CDH23: variants seen among roughly 807,000 people sequenced by gnomAD.
CDH23 encodes the protein cadherin-23.
CDH23 carries 189 observed loss-of-function variants against 317.1 expected under a neutral mutation model. That is an observed-to-expected ratio of 0.60 (90% confidence interval 0.53 to 0.67). The LOEUF (loss-of-function observed/expected upper bound fraction) is 0.67, where lower values mean the gene tolerates loss of function less well. Ranked by LOEUF, CDH23 falls within the 30% of genes least tolerant of loss-of-function variation. CDH23 has a pLI of 0.00. For synonymous variants in CDH23, 1,839 were observed against 1,876.8 expected (o/e 0.98, Z 0.52); for missense variants, 4,401 against 4,592.4 (o/e 0.96, Z 1.20).
intron 3 of CDH23, among the ~76,000 whole-genome samples, chr10:71,483,507 C>T (rs1402782545): frequency 6.6e-6 from 1 of 152,184 alleles, no homozygotes; most frequent in Non-Finnish European, 1.5e-5. Flanking sequence ...TTCCCAGCCT[C>T]CCTCAAGAAC....
At chr10:71,690,606 A>G (rs1045732088) in intron 20 of CDH23, 22 bp downstream of exon 20, 3 of 1,516,396 alleles carry the variant, frequency 2.0e-6, no homozygotes, top group Non-Finnish European at 1.8e-6. Flanking sequence ...CACCCCAAGT[A>G]CCCTGGTCCT....
Position 71,397,478 on chromosome 10 carries a change from G to T in CDH23, c.-6+160G>T, listed in dbSNP as rs1033250715. On this transcript the variant is annotated intron_variant, in intron 1 of 69. Transcript: ENST00000224721. The surrounding 1 kb of genome is among the most constrained non-coding windows in gnomAD (Gnocchi z 4.8). ...GTGGCGGGCGCTCGCGGCATCCTTC[G>T]GTCCCAGGCCCCTGGCCCTAGCCTC... is the stretch of plus-strand genomic sequence containing the variant. Among the ~76,000 whole-genome samples, 82 of 151,456 alleles carry T rather than the reference G, an allele frequency of 5.4e-4. No individual in the cohort carries two copies. The highest frequency in any genetic ancestry group is 1.9e-3 in the African/African-American group (79 of 41,360).
rs749805386 is a variant in CDH23, at chr10:71,732,226, G to A, written c.3955G>A (p.Glu1319Lys). 1.2e-5 allele frequency: 20 copies of A among 1,613,628 alleles called. No homozygotes were observed. Among genetic ancestry groups the A allele is most frequent in the Admixed American group, 1.0e-4 (6 of 59,980 alleles). Reference sequence around the variant, plus strand: ...CGTGCAGTTCTCCAATGCCTCATACGAGGCTGCCATCCTGGAGAATCTGGC... The same window carrying A: ...CGTGCAGTTCTCCAATGCCTCATACAAGGCTGCCATCCTGGAGAATCTGGC... ...EAVQFSNASYEAAILENLALG... is the reference protein window; with the variant it reads ...EAVQFSNASYKAAILENLALG... The change falls in exon 32 of 70, where the codon GAG becomes AAG. Residue 1319 changes from glutamate to lysine, a missense_variant. Glu to Lys is a moderately conservative substitution (Grantham distance 56, BLOSUM62 1). Around this residue, in one of 3 missense-constraint regions of CDH23, gnomAD observed 3,068 missense variants for 3,203.3 expected, o/e 0.96. Coordinates refer to ENST00000224721, the MANE Select transcript of CDH23 (RefSeq NM_022124.6).
chr10:71,803,442 C>G, intron 55 of CDH23, 22 bp downstream of exon 55: 1 of 1,554,492 alleles, frequency 6.4e-7, no homozygotes, highest in East Asian at 2.4e-5. Flanking sequence ...CCGAGGGCCT[C>G]CTGCCCACCA....
Position 71,811,309 on chromosome 10 carries a change from G to T in CDH23, c.9078-6G>T. The T allele has an allele frequency of 1.2e-6, 2 of 1,613,686 alleles. No individual in the cohort carries two copies. Among genetic ancestry groups the T allele is most frequent in the Non-Finnish European group, 1.7e-6 (2 of 1,179,818 alleles). On this transcript the variant is annotated splice_polypyrimidine_tract_variant and splice_region_variant and intron_variant, in intron 62 of 69. Coordinates refer to ENST00000224721, the MANE Select transcript of CDH23 (RefSeq NM_022124.6). Reference sequence around the variant, plus strand: ...AGGAGAGCTGAGACCCCTGCCCCTCGCCCAGGGTGATCCAGATGATCGATG... The same window carrying T: ...AGGAGAGCTGAGACCCCTGCCCCTCTCCCAGGGTGATCCAGATGATCGATG...
chr10:71,761,733 GGTGGTCGGAGGCCGA>G (rs1202397319), intron 38 of CDH23: 1 of 1,614,012 alleles, frequency 6.2e-7, no homozygotes, highest in African/African-American at 1.3e-5. Flanking sequence ...AAGTTGCCAT[GGTGGTCGGAGGCCGA>G]CTCCAGCCCG....
At chr10:71,543,083 C>T (rs563311931) in intron 6 of CDH23, among the ~76,000 whole-genome samples, 1 of 152,392 alleles carries the variant, frequency 6.6e-6, no homozygotes, top group East Asian at 1.9e-4. Context: ...CTTCTCAGAA[C>T]AGCCCGAATG....
chr10:71,633,263 G>A (rs376586491), intron 11 of CDH23, among the ~76,000 whole-genome samples: 7 of 152,080 alleles, frequency 4.6e-5, no homozygotes, highest in Non-Finnish European at 1.5e-5. Flanking sequence ...TCAAACCCTA[G>A]CACCATCCTT....
intron 14 of CDH23, among the ~76,000 whole-genome samples, chr10:71,662,372 C>T (rs542868534): frequency 6.6e-6 from 1 of 152,236 alleles, no homozygotes; most frequent in Admixed American, 6.5e-5. Context: ...TAGGCAGTGA[C>T]CAGCCTCCAC....
intron 9 of CDH23, among the ~76,000 whole-genome samples, chr10:71,579,650 C>T (rs1007368260): frequency 6.6e-6 from 1 of 152,060 alleles, no homozygotes; most frequent in Non-Finnish European, 1.5e-5. Flanking sequence ...AGTCTTCAGA[C>T]GGGGATGTGA....
intron 12 of CDH23, among the ~76,000 whole-genome samples, chr10:71,645,400 C>T (rs1225506838): frequency 6.6e-6 from 1 of 152,226 alleles, no homozygotes; most frequent in African/African-American, 2.4e-5. Flanking sequence ...CCTCTCCTGG[C>T]CAAGCCTGTC....
chr10:71,784,068 C>T (rs950557863), intron 41 of CDH23, among the ~76,000 whole-genome samples: 13 of 152,146 alleles, frequency 8.5e-5, no homozygotes, highest in African/African-American at 1.9e-4. Flanking sequence ...GGCCCGTGTC[C>T]GCCTGCACCC....
At chr10:71,479,034 AG>A (rs1400928346) in intron 3 of CDH23, among the ~76,000 whole-genome samples, 7 of 152,164 alleles carry the variant, frequency 4.6e-5, no homozygotes, top group Non-Finnish European at 8.8e-5. Context: ...CACTTCAAGG[AG>A]GGGACTTCCA....
chr10:71,562,155 C>T (rs1564654201), intron 6 of CDH23, among the ~76,000 whole-genome samples: 1 of 151,996 alleles, frequency 6.6e-6, no homozygotes, highest in Non-Finnish European at 1.5e-5. Context: ...CGAACCCCAC[C>T]CCAGACACCA....
chr10:71,798,040 A>G (rs1021688621), intron 49 of CDH23, among the ~76,000 whole-genome samples: 3 of 152,200 alleles, frequency 2.0e-5, no homozygotes, highest in Admixed American at 6.5e-5. Context: ...GAGGGGATAC[A>G]TACAGCTCAG....
At chr10:71,634,363 T>C (rs1250633237) in intron 11 of CDH23, among the ~76,000 whole-genome samples, 1 of 152,200 alleles carries the variant, frequency 6.6e-6, no homozygotes, top group Non-Finnish European at 1.5e-5. Flanking sequence ...CTGAAAACAC[T>C]TACACCCCAC....
chr10:71,814,042 C>T (rs1003120727), intron 69 of CDH23, among the ~76,000 whole-genome samples: 1 of 152,230 alleles, frequency 6.6e-6, no homozygotes, highest in Admixed American at 6.5e-5. Flanking sequence ...ATATTCTCAA[C>T]AGGAATAAGC....
intron 11 of CDH23, among the ~76,000 whole-genome samples, chr10:71,638,429 G>T (rs779161361): frequency 6.6e-6 from 1 of 152,182 alleles, no homozygotes; most frequent in Non-Finnish European, 1.5e-5. Flanking sequence ...TGCAGGCCTC[G>T]TTGTGCTGGA....
At chr10:71,776,712 G>A (rs563689968) in intron 38 of CDH23, among the ~76,000 whole-genome samples, 3 of 152,180 alleles carry the variant, frequency 2.0e-5, no homozygotes, top group Non-Finnish European at 4.4e-5. Flanking sequence ...ATGAAAGGGG[G>A]ACCCCTGTCC....
Sources: allele counts gnomAD v4.1 joint callset (sites outside exome capture counted in the v4.1 genomes callset), GRCh38; gene constraint gnomAD v4.1.1; regional missense constraint gnomAD v4.1.1; non-coding constraint Gnocchi (gnomAD v3.1); transcripts MANE v1.5; gene names NCBI Gene and HGNC (gene_info 2026-07-23, HGNC 2026-07-21).